Variants in HIPK2 observed in about 807,000 individuals in gnomAD.
HIPK2 encodes the protein homeodomain interacting protein kinase 2, also known as homeodomain-interacting protein kinase 2.
HIPK2 carries 27 observed loss-of-function variants against 113.7 expected under a neutral mutation model. The ratio of observed to expected loss-of-function variants is 0.24; its 90% CI spans 0.17 to 0.33. The LOEUF (loss-of-function observed/expected upper bound fraction) is 0.33, where lower values mean the gene tolerates loss of function less well. HIPK2 is among the 10% of genes least tolerant of loss of function. The pLI is 1.00. For synonymous variants in HIPK2, 631 were observed against 642.2 expected, an observed-to-expected ratio of 0.98 and a Z score of 0.26; for missense variants, 1,257 against 1,588.0, an observed-to-expected ratio of 0.79 and a Z score of 3.54.
At chr7:139,654,995 G>A (rs919601781) in intron 2 of HIPK2, among the ~76,000 whole-genome samples, 2 of 152,206 alleles carry the variant, frequency 1.3e-5, no homozygotes, top group Admixed American at 6.5e-5. Context: ...CCTTCCTCCC[G>A]ATCCCATGCA....
chr7:139,727,269 G>A (rs955164937), intron 1 of HIPK2, among the ~76,000 whole-genome samples: 1 of 152,218 alleles, frequency 6.6e-6, no homozygotes, highest in Non-Finnish European at 1.5e-5. Flanking sequence ...TTAAGGGATT[G>A]ATCCAGGAGA....
intron 9 of HIPK2, chr7:139,612,994 C>T (rs1467099071): frequency 1.1e-5 from 2 of 186,574 alleles, no homozygotes; most frequent in African/African-American, 4.8e-5. Flanking sequence ...CAGACTCTCC[C>T]TGTATCTAAA....
chr7:139,777,338 T>G (rs1796790447), intron 1 of HIPK2: 1 of 159,240 alleles, frequency 6.3e-6, no homozygotes, highest in Non-Finnish European at 1.4e-5. Context: ...CCGGCGTCCC[T>G]GCCCTCCCCG....
intron 1 of HIPK2, among the ~76,000 whole-genome samples, chr7:139,742,914 T>C (rs1796128236): frequency 6.6e-6 from 1 of 152,212 alleles, no homozygotes; most frequent in Admixed American, 6.5e-5. Context: ...GACTGACTTA[T>C]GAGGAACAAT....
rs749441608 is a variant in HIPK2 at position 139,613,258 on chromosome 7, C to T, written c.2056G>A (p.Val686Ile). 7.4e-6 allele frequency: 12 copies of T among 1,613,784 alleles called. No individual in the cohort carries two copies. The highest frequency in any genetic ancestry group is 4.4e-5 in the South Asian group (4 of 91,020). The change falls in exon 9 of 15, where the codon GTC becomes ATC. Residue 686 changes from valine (V) to isoleucine (I), a missense_variant. Val to Ile is a conservative substitution (Grantham distance 29). Around this residue, in one of 5 missense-constraint regions of HIPK2, gnomAD observed 862 missense variants for 1,004.3 expected, o/e 0.86. Coordinates refer to ENST00000406875, the MANE Select transcript of HIPK2 (RefSeq NM_022740.5). The surrounding 1 kb of genome is among the most constrained non-coding windows in gnomAD (Gnocchi z 4.2). ...GGCTGAGCTCCTGGGGCTTGAGTGACGATGGGAACTGCATTTTCCATTCGC... is the reference window on the plus strand; with the variant it reads ...GGCTGAGCTCCTGGGGCTTGAGTGATGATGGGAACTGCATTTTCCATTCGC... ...SVRMENAVPI[V>I]TQAPGAQPLQ...
At chr7:139,690,984 C>A (rs1794389076) in intron 2 of HIPK2, among the ~76,000 whole-genome samples, 1 of 152,228 alleles carries the variant, frequency 6.6e-6, no homozygotes, top group Admixed American at 6.5e-5. Context: ...GGGAAGCCTG[C>A]AAATGCTCAC....
chr7:139,767,397 T>C (rs566446011), intron 1 of HIPK2, among the ~76,000 whole-genome samples: 38 of 152,164 alleles, frequency 2.5e-4, no homozygotes, highest in African/African-American at 7.2e-4. Context: ...ACAAGGCAAA[T>C]ACACGCTCAA....
chr7:139,664,218 G>C (rs1235647478), intron 2 of HIPK2, among the ~76,000 whole-genome samples: 1 of 152,116 alleles, frequency 6.6e-6, no homozygotes, highest in Non-Finnish European at 1.5e-5. Flanking sequence ...CCTGTCATCC[G>C]CACCCTTCTT....
intron 1 of HIPK2, among the ~76,000 whole-genome samples, chr7:139,733,973 G>C (rs73471801): frequency 0.014 from 2,061 of 152,270 alleles, 47 homozygotes; most frequent in African/African-American, 0.046. Flanking sequence ...TGTGGCGCAA[G>C]TGTGAAGCAA....
intron 2 of HIPK2, among the ~76,000 whole-genome samples, chr7:139,691,650 C>T (rs1386084050): frequency 2.6e-5 from 4 of 152,210 alleles, no homozygotes; most frequent in African/African-American, 9.6e-5. Flanking sequence ...TGCCCCACAG[C>T]AGCAAAACCA....
In HIPK2 at chr7:139,575,142, G is replaced by A; in HGVS notation, c.3112C>T (p.Leu1038Phe). 6.3e-7 allele frequency: 1 copy of A among 1,594,318 alleles called. No homozygotes were observed. The highest frequency in any genetic ancestry group is 8.5e-7 in the Non-Finnish European group (1 of 1,171,170). ...PGPHFQQQQP[L>F]NLSQAQQHIT... is the part of the protein sequence containing the mutation. ...GTGGGGCTTACCTGGCTGAGATTGA[G>A]TGGCTGCTGCTGCTGGAAGTGGGGG... The change falls in exon 14 of 15, where the codon CTC becomes TTC. Residue 1038 changes from leucine to phenylalanine, a missense_variant. Around this residue, in one of 5 missense-constraint regions of HIPK2, gnomAD observed 862 missense variants for 1,004.3 expected, o/e 0.86. Coordinates refer to ENST00000406875, the MANE Select transcript of HIPK2 (RefSeq NM_022740.5).
chr7:139,777,512 G>C (rs1473003967), intron 1 of HIPK2, 93 bp downstream of exon 1: 3 of 456,584 alleles, frequency 6.6e-6, no homozygotes, highest in Non-Finnish European at 8.8e-6. Context: ...GGCAGGCGCC[G>C]GGGGCTGCGG....
intron 2 of HIPK2, among the ~76,000 whole-genome samples, chr7:139,651,694 C>T (rs867219462): frequency 6.6e-6 from 1 of 152,158 alleles, no homozygotes; most frequent in Non-Finnish European, 1.5e-5. Context: ...GAGAGGTACA[C>T]AATTTGTTTT....
intron 14 of HIPK2, among the ~76,000 whole-genome samples, chr7:139,574,121 C>T (rs187230661): frequency 3.3e-5 from 5 of 152,264 alleles, no homozygotes; most frequent in East Asian, 1.9e-4. Context: ...CCACCGCACC[C>T]GGCCAGGACA....
intron 2 of HIPK2, among the ~76,000 whole-genome samples, chr7:139,639,642 A>C (rs1800936437): frequency 6.6e-6 from 1 of 152,176 alleles, no homozygotes; most frequent in South Asian, 2.1e-4. Context: ...AGCCTTAGTA[A>C]GTGGCCAGGC....
intron 1 of HIPK2, among the ~76,000 whole-genome samples, chr7:139,737,575 C>T (rs1795973596): frequency 6.6e-6 from 1 of 152,224 alleles, no homozygotes; most frequent in African/African-American, 2.4e-5. Flanking sequence ...TTCTCCTGGA[C>T]TGCAGGAAAA....
At chr7:139,659,652 T>C (rs1435161808) in intron 2 of HIPK2, among the ~76,000 whole-genome samples, 1 of 152,222 alleles carries the variant, frequency 6.6e-6, no homozygotes, top group Admixed American at 6.5e-5. Flanking sequence ...CCTTGGCCTA[T>C]GCCTTGGCCT....
intron 13 of HIPK2, among the ~76,000 whole-genome samples, chr7:139,577,521 T>C (rs1585229933): frequency 6.6e-6 from 1 of 152,264 alleles, no homozygotes; most frequent in East Asian, 1.9e-4. Context: ...AAATTCCAGA[T>C]ACCTTTCTCT....
chr7:139,667,762 T>G (rs1802098246), intron 2 of HIPK2, among the ~76,000 whole-genome samples: 1 of 152,186 alleles, frequency 6.6e-6, no homozygotes. Flanking sequence ...ACAATCTAGT[T>G]TCATAGGTGT....
Sources: gnomAD v4.1 joint callset for allele counts (sites outside exome capture counted in the v4.1 genomes callset) on GRCh38, gnomAD v4.1.1 for gene constraint, gnomAD v4.1.1 regional missense constraint, Gnocchi (gnomAD v3.1) non-coding constraint, MANE v1.5 for transcripts, NCBI Gene and HGNC (gene_info 2026-07-23, HGNC 2026-07-21) for gene names.